BAIAP2L1: variants seen among roughly 807,000 people sequenced by gnomAD.
The protein encoded by BAIAP2L1 is BAR/IMD domain-containing adapter protein 2-like 1.
In BAIAP2L1, 35 loss-of-function variants were observed where a neutral mutation model predicts 66.3. The ratio of observed to expected loss-of-function variants is 0.53; its 90% CI spans 0.40 to 0.70. The LOEUF is 0.70. BAIAP2L1 is among the 30% of genes least tolerant of loss of function. The pLI, the probability that BAIAP2L1 is intolerant of heterozygous loss-of-function variation, is 0.00. For missense variants in BAIAP2L1, 622 were observed against 656.9 expected, an observed-to-expected ratio of 0.95 and a Z score of 0.58; for synonymous variants, 269 against 248.7, an observed-to-expected ratio of 1.08 and a Z score of -0.77.
chr7:98,399,878 A>G (rs1255618483), intron 1 of BAIAP2L1: 1 of 152,200 alleles, frequency 6.6e-6, no homozygotes, highest in African/African-American at 2.4e-5. Flanking sequence ...CAAGAACCTC[A>G]CCAAATAACC....
rs1330500274 is a variant in BAIAP2L1, at chr7:98,291,867, G to A, written c.*1654C>T. On this transcript the variant is annotated 3_prime_UTR_variant, in exon 14 of 14. Transcript: ENST00000005260. ...AACCTCCCCAAGGCAGAACGCCAAAGGCCAGGTGTCACCCACACCCCAGCA... is the reference window on the plus strand; with the variant it reads ...AACCTCCCCAAGGCAGAACGCCAAAAGCCAGGTGTCACCCACACCCCAGCA... The A allele has an allele frequency of 6.5e-6, 1 of 153,100 alleles. No individual in the cohort carries two copies. Among genetic ancestry groups the A allele is most frequent in the Non-Finnish European group, 1.5e-5 (1 of 68,728 alleles). 9.5% of individuals were successfully genotyped at this position (153,100 alleles called of 1,614,324 possible). A position where few individuals can be genotyped will look rare whatever the true frequency, so the allele number is the denominator to read the frequency against.
intron 6 of BAIAP2L1, among the ~76,000 whole-genome samples, chr7:98,316,773 A>G (rs1358075860): frequency 6.6e-6 from 1 of 150,664 alleles, no homozygotes; most frequent in Non-Finnish European, 1.5e-5. Context: ...TCCTTCATCC[A>G]CTCCCCAGTC....
chr7:98,369,969 A>G (rs1802472968), intron 1 of BAIAP2L1, among the ~76,000 whole-genome samples: 1 of 151,968 alleles, frequency 6.6e-6, no homozygotes. Context: ...ATCATACCCA[A>G]CCAATTTCCT....
intron 1 of BAIAP2L1, among the ~76,000 whole-genome samples, chr7:98,385,568 T>A (rs1021959410): frequency 6.6e-6 from 1 of 151,586 alleles, no homozygotes; most frequent in South Asian, 2.1e-4. Flanking sequence ...CACGCCCCCA[T>A]GCCCAGTTAA....
intron 3 of BAIAP2L1, among the ~76,000 whole-genome samples, chr7:98,329,711 T>G (rs1033534904): frequency 8.2e-6 from 1 of 122,176 alleles, no homozygotes; most frequent in Non-Finnish European, 2.0e-5. Context: ...AGTAAAGGGA[T>G]TTAAAAAAAA....
chr7:98,400,605 TGGGA>T (rs1257799802), intron 1 of BAIAP2L1, among the ~76,000 whole-genome samples, 193 bp downstream of exon 1: 52 of 50,882 alleles, frequency 1.0e-3, no homozygotes, highest in South Asian at 1.9e-3. Context: ...GGGGAGGGAC[TGGGA>T]GGAAGGAGAG....
intron 1 of BAIAP2L1, among the ~76,000 whole-genome samples, chr7:98,383,231 CCTATT>C (rs1313409345): frequency 6.6e-6 from 1 of 151,252 alleles, no homozygotes; most frequent in African/African-American, 2.4e-5. Flanking sequence ...CACAATCCTT[CCTATT>C]CTAAGCTGCT....
intron 12 of BAIAP2L1, among the ~76,000 whole-genome samples, chr7:98,301,231 T>C (rs1287392677): frequency 6.6e-6 from 1 of 152,158 alleles, no homozygotes; most frequent in Non-Finnish European, 1.5e-5. Flanking sequence ...AAACATGACC[T>C]CCCTGTGGGC....
intron 3 of BAIAP2L1, among the ~76,000 whole-genome samples, chr7:98,332,288 CAGG>C (rs971031558): frequency 1.5e-4 from 20 of 135,350 alleles, no homozygotes; most frequent in Non-Finnish European, 3.1e-5. Flanking sequence ...GAGGCTGAGG[CAGG>C]AGAATTGCTT....
At chr7:98,349,155 G>C (rs1801942934) in intron 3 of BAIAP2L1, among the ~76,000 whole-genome samples, 1 of 152,136 alleles carries the variant, frequency 6.6e-6, no homozygotes, top group Non-Finnish European at 1.5e-5. Context: ...TATCTCTTAG[G>C]CCCATGTAGA....
chr7:98,367,702 A>AT (rs1802418852), intron 1 of BAIAP2L1, among the ~76,000 whole-genome samples: 1 of 151,640 alleles, frequency 6.6e-6, no homozygotes, highest in African/African-American at 2.4e-5. Context: ...CGCCCGGCTA[A>AT]TTTTTTGTAT....
intron 12 of BAIAP2L1, among the ~76,000 whole-genome samples, chr7:98,302,959 T>C (rs1260941215): frequency 1.3e-5 from 2 of 152,150 alleles, no homozygotes; most frequent in African/African-American, 2.4e-5. Flanking sequence ...TAATTTTTTA[T>C]ATTTTTTGTC....
At position 98,320,143 on chromosome 7, in the gene BAIAP2L1, G is replaced by C. The variant is rs755841506; in HGVS notation, c.277-14C>G. 1 of 1,605,540 alleles carries C rather than the reference G, an allele frequency of 6.2e-7. No homozygotes were observed. The highest frequency in any genetic ancestry group is 8.5e-7 in the Non-Finnish European group (1 of 1,173,534). ...GAATTTTTTAAACTGTTAACAAAAG[G>C]AAATAAATTCATACCAGGTTTGAGA... On this transcript the variant is annotated splice_polypyrimidine_tract_variant and intron_variant, in intron 4 of 13. Transcript: ENST00000005260.
At chr7:98,399,133 C>T (rs1030799733) in intron 1 of BAIAP2L1, among the ~76,000 whole-genome samples, 1 of 152,182 alleles carries the variant, frequency 6.6e-6, no homozygotes, top group Non-Finnish European at 1.5e-5. Flanking sequence ...GTAGCAATCT[C>T]AATACAAATG....
At chr7:98,393,071 G>GTGTA (rs1554341858) in intron 1 of BAIAP2L1, among the ~76,000 whole-genome samples, 3 of 125,536 alleles carry the variant, frequency 2.4e-5, no homozygotes, top group Non-Finnish European at 4.9e-5. Context: ...ACACATATAT[G>GTGTA]TATACACACA....
chr7:98,296,875 C>T (rs1800213770), intron 12 of BAIAP2L1, among the ~76,000 whole-genome samples: 1 of 152,178 alleles, frequency 6.6e-6, no homozygotes, highest in African/African-American at 2.4e-5. Context: ...CTCACAGCAT[C>T]CTCCCTGCGT....
chr7:98,341,562 T>C (rs1259788498), intron 3 of BAIAP2L1, among the ~76,000 whole-genome samples: 3 of 152,094 alleles, frequency 2.0e-5, no homozygotes, highest in Non-Finnish European at 4.4e-5. Context: ...CTTTTGGACA[T>C]ATAGAAAATT....
intron 3 of BAIAP2L1, among the ~76,000 whole-genome samples, chr7:98,351,825 G>A (rs1802007426): frequency 1.3e-5 from 2 of 152,192 alleles, no homozygotes; most frequent in African/African-American, 2.4e-5. Flanking sequence ...CCGATGCCAG[G>A]AGAGAGCTAA....
intron 7 of BAIAP2L1, among the ~76,000 whole-genome samples, chr7:98,314,951 T>C (rs2116886604): frequency 6.6e-6 from 1 of 152,356 alleles, no homozygotes; most frequent in Non-Finnish European, 1.5e-5. Context: ...GTATTATTAA[T>C]TTATTAAACA....
Sources: gnomAD v4.1 joint callset for allele counts (sites outside exome capture counted in the v4.1 genomes callset) on GRCh38, gnomAD v4.1.1 for gene constraint, MANE v1.5 for transcripts, NCBI Gene and HGNC (gene_info 2026-07-23, HGNC 2026-07-21) for gene names.